Variants in EXOC6B observed in about 807,000 individuals in gnomAD.
EXOC6B encodes exocyst complex component 6B, also known as SEC15 homolog B.
A neutral mutation model predicts 113.5 loss-of-function variants in EXOC6B; 54 were observed. The ratio of observed to expected loss-of-function variants is 0.48; its 90% confidence interval spans 0.38 to 0.60. EXOC6B has a LOEUF of 0.60. Among genes scored for constraint, EXOC6B ranks in the 20% least tolerant of loss-of-function variants. The pLI, the probability that EXOC6B is intolerant of heterozygous loss-of-function variation, is 0.00. For synonymous variants in EXOC6B, 357 were observed against 339.0 expected (o/e 1.05, Z -0.58); for missense variants, 797 against 977.5 (o/e 0.82, Z 2.46).
At chr2:72,467,360 T>C (rs1411849914) in intron 17 of EXOC6B, among the ~76,000 whole-genome samples, 3 of 152,210 alleles carry the variant, frequency 2.0e-5, no homozygotes, top group Non-Finnish European at 4.4e-5. Context: ...AGTAGTGGGA[T>C]TGCTGAAACA....
chr2:72,364,981 T>G (rs915070037), intron 19 of EXOC6B, among the ~76,000 whole-genome samples: 2 of 152,200 alleles, frequency 1.3e-5, no homozygotes, highest in Admixed American at 1.3e-4. Flanking sequence ...TTTGACTGGT[T>G]TAGCCAATCA....
At chr2:72,200,917 C>T (rs1482058828) in intron 20 of EXOC6B, among the ~76,000 whole-genome samples, 1 of 152,140 alleles carries the variant, frequency 6.6e-6, no homozygotes, top group Non-Finnish European at 1.5e-5. Context: ...CAGATCCTCC[C>T]TTTGTTTTAA....
chr2:72,261,205 G>GA (rs955224539), intron 20 of EXOC6B, among the ~76,000 whole-genome samples: 2 of 151,914 alleles, frequency 1.3e-5, no homozygotes, highest in African/African-American at 2.4e-5. Context: ...TAAGAAGAAG[G>GA]AAAAAAAAGT....
At chr2:72,617,420 G>A (rs1671456430) in intron 6 of EXOC6B, among the ~76,000 whole-genome samples, 1 of 152,002 alleles carries the variant, frequency 6.6e-6, no homozygotes, top group Admixed American at 6.6e-5. Context: ...CTCCATGAGG[G>A]ACCCACCCCT....
chr2:72,180,937 C>T (rs974921131), intron 21 of EXOC6B, among the ~76,000 whole-genome samples: 84 of 152,222 alleles, frequency 5.5e-4, no homozygotes, highest in Non-Finnish European at 1.1e-3. Context: ...CGGCTGGGCG[C>T]GGTAGCTCAC....
chr2:72,739,030 C>G (rs1321445027), intron 2 of EXOC6B, among the ~76,000 whole-genome samples: 1 of 152,142 alleles, frequency 6.6e-6, no homozygotes, highest in Non-Finnish European at 1.5e-5. Flanking sequence ...TCATACTGTT[C>G]ATACATTTTA....
At chr2:72,713,819 T>C (rs1409525584) in intron 6 of EXOC6B, among the ~76,000 whole-genome samples, 1 of 152,188 alleles carries the variant, frequency 6.6e-6, no homozygotes, top group African/African-American at 2.4e-5. Context: ...AAGATATTTA[T>C]CTTTCTAGGC....
chr2:72,559,729 C>T (rs751324609), intron 7 of EXOC6B, among the ~76,000 whole-genome samples: 2 of 151,996 alleles, frequency 1.3e-5, no homozygotes, highest in Non-Finnish European at 2.9e-5. Context: ...AGATATACAC[C>T]AAGGCTGGCA....
intron 18 of EXOC6B, among the ~76,000 whole-genome samples, chr2:72,427,615 G>A (rs1695277741): frequency 1.3e-5 from 2 of 152,320 alleles, no homozygotes; most frequent in East Asian, 1.9e-4. Context: ...GAACATGAGG[G>A]GGTGCTGAGA....
In EXOC6B at chr2:72,507,071, T is replaced by C. The variant is rs1348333245; in HGVS notation, c.1167+6061A>G. Among the ~76,000 whole-genome samples the C allele has an allele frequency of 3.3e-5, 5 of 152,214 alleles. No homozygotes were observed. The South Asian group carries it at 6.2e-4, about 19-fold the overall frequency. ...GTTGCACATATTAATACATGAAATA[T>C]TGAATCTTTCAAAATGTTTCAATTT... is the stretch of plus-strand genomic sequence containing the variant. On this transcript the variant is annotated intron_variant, in intron 11 of 21. Coordinates refer to ENST00000272427, the MANE Select transcript of EXOC6B (RefSeq NM_015189.3).
intron 18 of EXOC6B, among the ~76,000 whole-genome samples, chr2:72,387,201 G>A (rs2105094931): frequency 6.6e-6 from 1 of 152,240 alleles, no homozygotes; most frequent in South Asian, 2.1e-4. Flanking sequence ...TAGGCACAGT[G>A]TATCTTTTTA....
chr2:72,688,660 C>T (rs1483030372), intron 6 of EXOC6B, among the ~76,000 whole-genome samples: 1 of 152,190 alleles, frequency 6.6e-6, no homozygotes, highest in African/African-American at 2.4e-5. Context: ...GTTCAGTCAG[C>T]ATGCACTGAA....
At chr2:72,284,475 G>C (rs1195145255) in intron 20 of EXOC6B, among the ~76,000 whole-genome samples, 1 of 151,950 alleles carries the variant, frequency 6.6e-6, no homozygotes, top group Non-Finnish European at 1.5e-5. Flanking sequence ...TTATCAATTT[G>C]ATAAAGAACA....
chr2:72,279,605 T>C (rs903330020), intron 20 of EXOC6B, among the ~76,000 whole-genome samples: 11 of 152,246 alleles, frequency 7.2e-5, no homozygotes, highest in Admixed American at 7.2e-4. Flanking sequence ...AAAGTGTAGA[T>C]AATTTTTCTT....
intron 20 of EXOC6B, among the ~76,000 whole-genome samples, chr2:72,318,712 TAGATATGCATCAAATC>T (rs952344772): frequency 9.2e-5 from 14 of 152,272 alleles, no homozygotes; most frequent in African/African-American, 3.1e-4. Context: ...AAGGTTAAAT[TAGATATGCATCAAATC>T]AGATTGCAAA....
At chr2:72,389,032 G>T (rs569151485) in intron 18 of EXOC6B, among the ~76,000 whole-genome samples, 12 of 152,070 alleles carry the variant, frequency 7.9e-5, no homozygotes, top group African/African-American at 2.9e-4. Flanking sequence ...TATTCAGAGG[G>T]TTTACATCAT....
intron 20 of EXOC6B, among the ~76,000 whole-genome samples, chr2:72,299,041 G>A (rs1354952338): frequency 6.6e-6 from 1 of 152,080 alleles, no homozygotes; most frequent in Non-Finnish European, 1.5e-5. Flanking sequence ...GCCTTGCTAG[G>A]TTGGGGAAGT....
At chr2:72,231,862 T>C (rs1221741523) in intron 20 of EXOC6B, among the ~76,000 whole-genome samples, 2 of 152,204 alleles carry the variant, frequency 1.3e-5, no homozygotes, top group Non-Finnish European at 2.9e-5. Flanking sequence ...GTGGAAAGCA[T>C]GTGGCGATTT....
At chr2:72,379,378 T>C (rs944559872) in intron 19 of EXOC6B, among the ~76,000 whole-genome samples, 1 of 152,206 alleles carries the variant, frequency 6.6e-6, no homozygotes, top group Non-Finnish European at 1.5e-5. Flanking sequence ...AGTTTTTAAA[T>C]AGAATATTAG....
Sources: gnomAD v4.1 joint callset for allele counts (sites outside exome capture counted in the v4.1 genomes callset) on GRCh38, gnomAD v4.1.1 for gene constraint, MANE v1.5 for transcripts, NCBI Gene and HGNC (gene_info 2026-07-23, HGNC 2026-07-21) for gene names.